The following KRABD3 variants were observed in gnomAD, a reference collection of about 807,000 sequenced individuals.
KRABD3 encodes KRAB domain-containing protein 3.
chr7:149,721,326 G>T, the KRABD3 span: 2 of 1,531,938 alleles, frequency 1.3e-6, no homozygotes, highest in Non-Finnish European at 8.7e-7. Context: ...ATGTGACAGT[G>T]TGACAATGTT....
chr7:149,728,603 T>C, the KRABD3 span: 2 of 1,613,742 alleles, frequency 1.2e-6, no homozygotes, highest in Non-Finnish European at 1.7e-6. Context: ...GCGGCCTGCC[T>C]GGCCCTGCTC....
chr7:149,725,915 G>T, the KRABD3 span: 1 of 1,595,936 alleles, frequency 6.3e-7, no homozygotes, highest in East Asian at 2.3e-5. Flanking sequence ...TTCTGCCTCT[G>T]GGTCTGCAGA....
At chr7:149,725,382 G>A in the KRABD3 span, 1 of 1,609,110 alleles carries the variant, frequency 6.2e-7, no homozygotes, top group Non-Finnish European at 8.5e-7. Context: ...CCCCAAATGG[G>A]TCGTCACCTT....
At chr7:149,724,746 C>T in the KRABD3 span, 2 of 1,560,278 alleles carry the variant, frequency 1.3e-6, no homozygotes, top group South Asian at 2.4e-5. Flanking sequence ...TCCAGAGCCC[C>T]CCAGGACCTG....
chr7:149,714,954 T>A, the KRABD3 span: 3 of 981,594 alleles, frequency 3.1e-6, no homozygotes, highest in Non-Finnish European at 2.6e-6. Flanking sequence ...CGGCCCCGCC[T>A]TCTCCTGCGC....
At chr7:149,730,033 A>G in the KRABD3 span, 1 of 1,389,202 alleles carries the variant, frequency 7.2e-7, no homozygotes, top group Non-Finnish European at 9.3e-7. Context: ...ACTAGAACGC[A>G]TGCTGATCGT....
the KRABD3 span, among the ~76,000 whole-genome samples, chr7:149,731,319 G>T: frequency 6.6e-6 from 1 of 152,346 alleles, no homozygotes; most frequent in South Asian, 2.1e-4. Flanking sequence ...TCCGCAGTGG[G>T]CCTAGTGGAA....
At chr7:149,727,874 G>C in the KRABD3 span, among the ~76,000 whole-genome samples, 10,197 of 152,220 alleles carry the variant, frequency 0.067, 354 homozygotes, top group Middle Eastern at 0.099. Context: ...TGCCCTTCCA[G>C]CCTGTGGACA....
At chr7:149,719,879 C>T in the KRABD3 span, 2 of 1,269,122 alleles carry the variant, frequency 1.6e-6, no homozygotes, top group Non-Finnish European at 2.1e-6. The surrounding 1 kb of genome is among the most constrained non-coding windows in gnomAD (Gnocchi z 5.6). Flanking sequence ...TCCGACCACT[C>T]TGCGGTTCTT....
chr7:149,730,375 G>A, the KRABD3 span: 81 of 1,552,082 alleles, frequency 5.2e-5, no homozygotes, highest in South Asian at 1.7e-4. Flanking sequence ...ATAGCGGGAT[G>A]TGTGCCAGGG....
the KRABD3 span, among the ~76,000 whole-genome samples, chr7:149,725,643 G>A: frequency 6.1e-4 from 93 of 152,320 alleles, 1 homozygote; most frequent in African/African-American, 2.1e-3. Flanking sequence ...ACAGCCGCCC[G>A]CATGTGCTGA....
the KRABD3 span, chr7:149,722,851 C>T: frequency 6.2e-7 from 1 of 1,613,406 alleles, no homozygotes; most frequent in Non-Finnish European, 8.5e-7. Flanking sequence ...TGTGCCTGGG[C>T]CCCGGCACCC....
At chr7:149,731,023 C>G in the KRABD3 span, among the ~76,000 whole-genome samples, 1 of 152,138 alleles carries the variant, frequency 6.6e-6, no homozygotes, top group Non-Finnish European at 1.5e-5. Context: ...TCACTGTGAC[C>G]CACTGTTTGC....
chr7:149,728,296 A>G, the KRABD3 span, among the ~76,000 whole-genome samples: 1 of 152,162 alleles, frequency 6.6e-6, no homozygotes, highest in Non-Finnish European at 1.5e-5. Flanking sequence ...CAACGCCCTC[A>G]TGACAGCCGC....
At chr7:149,720,158 CT>C in the KRABD3 span, 1 of 1,550,374 alleles carries the variant, frequency 6.5e-7, no homozygotes, top group Non-Finnish European at 8.7e-7. Context: ...TGGGTGTCTC[CT>C]CCCACTCATC....
the KRABD3 span, chr7:149,733,692 C>T: frequency 3.7e-4 from 578 of 1,583,462 alleles, 1 homozygote; most frequent in Admixed American, 5.2e-4. Flanking sequence ...CGGGCACGTC[C>T]GCTGCCTCCA....
the KRABD3 span, among the ~76,000 whole-genome samples, chr7:149,726,960 C>T: frequency 6.6e-6 from 1 of 152,142 alleles, no homozygotes; most frequent in Non-Finnish European, 1.5e-5. Flanking sequence ...TTACCCCAGC[C>T]ACAAAGAATT....
the KRABD3 span, chr7:149,724,927 G>C: frequency 7.9e-7 from 1 of 1,270,158 alleles, no homozygotes. Flanking sequence ...CTAACCCCAG[G>C]GAAGCAGCTC....
chr7:149,724,639 C>A, the KRABD3 span: 1 of 1,503,368 alleles, frequency 6.7e-7, no homozygotes, highest in South Asian at 1.3e-5. Context: ...TTCCCAATGG[C>A]CTCCTCCCGC....
Sources: gnomAD v4.1 joint callset for allele counts (sites outside exome capture counted in the v4.1 genomes callset) on GRCh38, gnomAD v4.1.1 for gene constraint, Gnocchi (gnomAD v3.1) non-coding constraint, MANE v1.5 for transcripts, NCBI Gene and HGNC (gene_info 2026-07-23, HGNC 2026-07-21) for gene names.